Variants in NCEH1 observed in about 807,000 individuals in gnomAD.
The protein encoded by NCEH1 is neutral cholesterol ester hydrolase 1.
NCEH1 carries 9 observed loss-of-function variants against 25.4 expected under a neutral mutation model. The observed-to-expected ratio is 0.35, with a 90% confidence interval of 0.21 to 0.62. The LOEUF (loss-of-function observed/expected upper bound fraction) is 0.62. NCEH1 is among the 20% of genes least tolerant of loss of function. The pLI, the probability that NCEH1 is intolerant of heterozygous loss-of-function variation, is 0.72. For missense variants in NCEH1, 412 were observed against 501.1 expected, an observed-to-expected ratio of 0.82 and a Z score of 1.70; for synonymous variants, 200 against 199.8, an observed-to-expected ratio of 1.00 and a Z score of -0.01.
At chr3:172,691,379 T>C (rs1713027754) in intron 1 of NCEH1, among the ~76,000 whole-genome samples, 1 of 19,984 alleles carries the variant, frequency 5.0e-5, no homozygotes, top group South Asian at 1.3e-3. Context: ...TCATTTTTGT[T>C]CCCCTAGGTT....
At position 172,711,050 on chromosome 3, in the gene NCEH1, C is replaced by T. The variant is rs376718245; in HGVS notation, c.-66G>A. 41 of 1,609,906 alleles carry T rather than the reference C, an allele frequency of 2.5e-5. No homozygotes were observed. Among genetic ancestry groups the T allele is most frequent in the Non-Finnish European group, 2.9e-5 (34 of 1,177,020 alleles). On this transcript the variant is annotated 5_prime_UTR_variant, in exon 1 of 5. Coordinates refer to ENST00000475381, the MANE Select transcript of NCEH1 (RefSeq NM_020792.6). ...AAGGGCGATACCACCCGGAGACCTC[C>T]GGCAACTTTCTGCCCGCGGCAGCTG...
chr3:172,641,590 G>T (rs1716855714), intron 3 of NCEH1, among the ~76,000 whole-genome samples: 1 of 152,254 alleles, frequency 6.6e-6, no homozygotes, highest in African/African-American at 2.4e-5. Flanking sequence ...GCAAGGAGCT[G>T]CTGGCTCCAG....
chr3:172,648,173 G>GC, intron 1 of NCEH1, 59 bp from the exon 2 acceptor site: 1 of 1,596,556 alleles, frequency 6.3e-7, no homozygotes, highest in Non-Finnish European at 8.6e-7. Context: ...CATCACCAGA[G>GC]CTGCCCTCAC....
At chr3:172,689,625 A>AATG (rs1268000832) in intron 1 of NCEH1, among the ~76,000 whole-genome samples, 3 of 532 alleles carry the variant, frequency 5.6e-3, no homozygotes, top group African/African-American at 0.016. Context: ...CGGGTAGACC[A>AATG]CCTGAGCGCC....
rs1346171893 is a variant in NCEH1, at chr3:172,632,041, T to C, written c.*1434A>G. 2 of 152,526 alleles carry C rather than the reference T, an allele frequency of 1.3e-5. No individual in the cohort carries two copies. The highest frequency in any genetic ancestry group is 2.4e-5 in the African/African-American group (1 of 41,412). 9.4% of individuals were successfully genotyped at this position (152,526 alleles called of 1,614,324 possible). On this transcript the variant is annotated 3_prime_UTR_variant, in exon 5 of 5. Coordinates refer to ENST00000475381, the MANE Select transcript of NCEH1 (RefSeq NM_020792.6). ...TCCAGACCTGGCTGGAAGGAGGAGA[T>C]GGGGGATCTAGGCAACACCAGGTGC...
chr3:172,647,106 T>G (rs913779315), intron 2 of NCEH1, among the ~76,000 whole-genome samples: 1 of 151,280 alleles, frequency 6.6e-6, no homozygotes, highest in Non-Finnish European at 1.5e-5. Flanking sequence ...TTGACCTTTG[T>G]TGCTTTTAAA....
intron 1 of NCEH1, among the ~76,000 whole-genome samples, chr3:172,673,669 A>G (rs1711775273): frequency 6.6e-6 from 1 of 152,232 alleles, no homozygotes; most frequent in Non-Finnish European, 1.5e-5. Flanking sequence ...GAAAGGGAAC[A>G]GATAAGGTAG....
chr3:172,676,138 G>GTTC (rs1711980482), intron 1 of NCEH1, among the ~76,000 whole-genome samples: 1 of 152,164 alleles, frequency 6.6e-6, no homozygotes, highest in Non-Finnish European at 1.5e-5. Flanking sequence ...TTCTCTTGAG[G>GTTC]GGGGAAATAA....
chr3:172,648,862 T>G (rs780890965), intron 1 of NCEH1, among the ~76,000 whole-genome samples: 1 of 151,976 alleles, frequency 6.6e-6, no homozygotes, highest in African/African-American at 2.4e-5. Context: ...AGAAGGAACA[T>G]AGCAAGGAGA....
chr3:172,700,691 T>C lies in NCEH1; in HGVS notation c.138+10156A>G, dbSNP rs118112060. ...GTTTTGTAGAGACAGTCTTACTTTG[T>C]TGCCAAGGCTGGTCTTGAACTCCTG... On this transcript the variant is annotated intron_variant, in intron 1 of 4. Coordinates refer to ENST00000475381, the MANE Select transcript of NCEH1 (RefSeq NM_020792.6). 2.3e-3 allele frequency among the ~76,000 whole-genome samples: 343 copies of C among 152,192 alleles called. 15 individuals carry two copies. In the East Asian group the frequency reaches 0.061, roughly 27 times the overall value.
chr3:172,679,665 C>T (rs1188781104), intron 1 of NCEH1, among the ~76,000 whole-genome samples: 1 of 151,906 alleles, frequency 6.6e-6, no homozygotes, highest in Non-Finnish European at 1.5e-5. Flanking sequence ...TAAGAAACAA[C>T]CCCTGAATCA....
chr3:172,677,825 G>A (rs1215642771), intron 1 of NCEH1, among the ~76,000 whole-genome samples: 1 of 152,226 alleles, frequency 6.6e-6, no homozygotes, highest in Non-Finnish European at 1.5e-5. Context: ...CTACTTGAGA[G>A]GCTGAGGCAG....
intron 3 of NCEH1, among the ~76,000 whole-genome samples, chr3:172,644,523 A>T (rs1238223775): frequency 1.3e-5 from 2 of 152,224 alleles, no homozygotes; most frequent in Non-Finnish European, 2.9e-5. Context: ...AACTGGATCA[A>T]AAAGGTCCAG....
At position 172,633,535 on chromosome 3, in the gene NCEH1, GT is replaced by G; in HGVS notation, c.1166del (p.Asn389ThrfsTer16). On this transcript the variant is annotated frameshift_variant, in exon 5 of 5. Coordinates refer to ENST00000475381, the MANE Select transcript of NCEH1 (RefSeq NM_020792.6). LOFTEE classifies it high-confidence loss of function. ...GCMIFTSWPT[N>X]FSVGIRTRNS... ...TCCTAGTCCGGATTCCCACTGAGAA[GT>G]TGGTGGGCCAGCTAGTGAAAATCAT... 6.2e-7 allele frequency: 1 copy of G among 1,614,014 alleles called. No individual in the cohort carries two copies. Among genetic ancestry groups the G allele is most frequent in the Non-Finnish European group, 8.5e-7 (1 of 1,179,908 alleles).
chr3:172,664,935 A>T (rs1718136771), intron 1 of NCEH1, among the ~76,000 whole-genome samples: 1 of 152,056 alleles, frequency 6.6e-6, no homozygotes, highest in Non-Finnish European at 1.5e-5. Context: ...GTTTGTCATT[A>T]CCGATTTTCT....
chr3:172,708,505 G>A (rs1159942004), intron 1 of NCEH1, among the ~76,000 whole-genome samples: 2 of 152,162 alleles, frequency 1.3e-5, no homozygotes, highest in Non-Finnish European at 2.9e-5. Context: ...ACAGGCACCT[G>A]CCACCAGCCC....
intron 3 of NCEH1, among the ~76,000 whole-genome samples, chr3:172,637,759 G>A (rs1716659229): frequency 6.6e-6 from 1 of 152,140 alleles, no homozygotes; most frequent in African/African-American, 2.4e-5. Context: ...CACGGTCGTG[G>A]GCGCCTGTAA....
At chr3:172,655,905 A>G (rs1016182912) in intron 1 of NCEH1, among the ~76,000 whole-genome samples, 3 of 152,190 alleles carry the variant, frequency 2.0e-5, no homozygotes, top group Non-Finnish European at 2.9e-5. Context: ...ATAAAAGACA[A>G]AAAAGAACAA....
chr3:172,695,462 G>T (rs1476547731), intron 1 of NCEH1, among the ~76,000 whole-genome samples: 1 of 152,182 alleles, frequency 6.6e-6, no homozygotes, highest in African/African-American at 2.4e-5. Context: ...AGCTTTTGGA[G>T]CACTACCTCC....
Sources: allele counts gnomAD v4.1 joint callset (sites outside exome capture counted in the v4.1 genomes callset), GRCh38; gene constraint gnomAD v4.1.1; transcripts MANE v1.5; gene names NCBI Gene and HGNC (gene_info 2026-07-23, HGNC 2026-07-21).